The following DNAJC13 variants were observed in gnomAD, a reference collection of about 807,000 sequenced individuals.
The protein encoded by DNAJC13 is dnaJ homolog subfamily C member 13.
In DNAJC13, 75 loss-of-function variants were observed where a neutral mutation model predicts 290.5. That is an observed-to-expected ratio of 0.26 (90% CI 0.21 to 0.31). The LOEUF is 0.31. Ranked by LOEUF, DNAJC13 falls within the 10% of genes least tolerant of loss-of-function variation. The pLI is 1.00. For missense variants in DNAJC13, 2,260 were observed against 2,674.5 expected, an observed-to-expected ratio of 0.85 and a Z score of 3.42; for synonymous variants, 862 against 892.0, an observed-to-expected ratio of 0.97 and a Z score of 0.60.
intron 2 of DNAJC13, among the ~76,000 whole-genome samples, chr3:132,445,525 G>T (rs1933217685): frequency 6.6e-6 from 1 of 152,006 alleles, no homozygotes; most frequent in African/African-American, 2.4e-5. Flanking sequence ...GAGCATGGGA[G>T]TTACTTGGTC....
intron 17 of DNAJC13, 74 bp downstream of exon 17, chr3:132,463,891 A>G: frequency 2.0e-6 from 3 of 1,490,786 alleles, no homozygotes; most frequent in South Asian, 1.2e-5. Flanking sequence ...ACATAAAACT[A>G]AATGTGTTTG....
At chr3:132,426,953 G>A (rs1470477848) in intron 1 of DNAJC13, among the ~76,000 whole-genome samples, 1 of 151,736 alleles carries the variant, frequency 6.6e-6, no homozygotes, top group African/African-American at 2.4e-5. Context: ...AGATTGACTT[G>A]TAATAGTATT....
chr3:132,482,245 C>A lies in DNAJC13; in HGVS notation c.2894C>A (p.Ala965Asp), dbSNP rs777056943. 6.2e-7 allele frequency: 1 copy of A among 1,613,342 alleles called. No homozygotes were observed. The highest frequency in any genetic ancestry group is 2.2e-5 in the East Asian group (1 of 44,850). ...ACTTAGAGCAATGTAATTGAAGCTG[C>A]TCCAGATATGAAAAGAGAGAGTGAA... ...VPLQSNVIEA[A>D]PDMKRESEKE... Residue 965 changes from alanine to aspartate, a missense_variant, in exon 27 of 56, where the codon GCT (alanine) becomes GAT (aspartate). This residue lies in a region of DNAJC13 where 1,494 missense variants were observed against 1,693.7 expected (regional missense o/e 0.88). Transcript: ENST00000260818.
At position 132,480,365 on chromosome 3, in the gene DNAJC13, C is replaced by T; in HGVS notation, c.2773-4C>T. The T allele has an allele frequency of 1.2e-6, 2 of 1,607,410 alleles. No homozygotes were observed. The highest frequency in any genetic ancestry group is 1.7e-6 in the Non-Finnish European group (2 of 1,174,944). ...ATTACGAAAAAAATGTTTTCCTCTTCCAGAAAAATGTTAAGGATCTCATGG... is the reference window on the plus strand; with the variant it reads ...ATTACGAAAAAAATGTTTTCCTCTTTCAGAAAAATGTTAAGGATCTCATGG... On this transcript the variant is annotated splice_polypyrimidine_tract_variant and splice_region_variant and intron_variant, in intron 25 of 55. Coordinates refer to ENST00000260818, the MANE Select transcript of DNAJC13 (RefSeq NM_015268.4).
chr3:132,467,264 A>G lies in DNAJC13; in HGVS notation c.2159A>G (p.Asp720Gly). 2.5e-6 allele frequency: 4 copies of G among 1,614,044 alleles called. No individual in the cohort carries two copies. The highest frequency in any genetic ancestry group is 3.4e-6 in the Non-Finnish European group (4 of 1,179,956). ...EVEKFAKEKV[D>G]LVLMHWRDRM... ...GAAAAATTTGCCAAAGAAAAAGTGG[A>G]TCTTGTATTGATGCACTGGAGGGAT... The change falls in exon 20 of 56, where the codon GAT becomes GGT. Residue 720 changes from aspartate (D) to glycine (G), a missense_variant. Coordinates refer to ENST00000260818, the MANE Select transcript of DNAJC13 (RefSeq NM_015268.4).
At chr3:132,535,892 C>T (rs1010608396) in intron 55 of DNAJC13, among the ~76,000 whole-genome samples, 25 of 152,260 alleles carry the variant, frequency 1.6e-4, no homozygotes, top group African/African-American at 6.0e-4. Context: ...AAGGAGAGGC[C>T]AGGGTCCTGG....
rs144135049 is a variant in DNAJC13, at chr3:132,490,942, C to A, written c.3514C>A (p.Leu1172Ile). The A allele has an allele frequency of 2.0e-5, 33 of 1,611,274 alleles. No homozygotes were observed. The highest frequency in any genetic ancestry group is 2.7e-5 in the Non-Finnish European group (32 of 1,179,008). The part of the protein sequence containing the change: ...IFQRSILGHI[L>I]PEAMVCYLEN... The stretch of plus-strand genomic sequence containing the variant: ...TCAGAGAAGTATACTTGGGCACATT[C>A]TACCTGAAGCAATGGTTTGTTACTT... Residue 1172 changes from leucine (L) to isoleucine (I), a missense_variant, in exon 32 of 56, where the codon CTA becomes ATA. By Grantham distance (5) the Leu-to-Ile change is conservative (BLOSUM62 2). Around this residue, in one of 3 missense-constraint regions of DNAJC13, gnomAD observed 1,494 missense variants for 1,693.7 expected, o/e 0.88. Transcript: ENST00000260818.
At chr3:132,435,948 CTT>C (rs758446861) in intron 2 of DNAJC13, among the ~76,000 whole-genome samples, 2 of 152,256 alleles carry the variant, frequency 1.3e-5, no homozygotes, top group South Asian at 4.1e-4. Context: ...TAACTATCCT[CTT>C]TTTTCCTCGT....
chr3:132,488,645 A>T (rs1487518528), intron 30 of DNAJC13, among the ~76,000 whole-genome samples, 193 bp downstream of exon 30: 2 of 152,176 alleles, frequency 1.3e-5, no homozygotes. Context: ...ACTATTCCAC[A>T]TCTAGCATAA....
At chr3:132,519,651 C>T (rs1936024947) in intron 48 of DNAJC13, among the ~76,000 whole-genome samples, 2 of 151,824 alleles carry the variant, frequency 1.3e-5, no homozygotes, top group African/African-American at 4.8e-5. Flanking sequence ...TATGTCATAT[C>T]TAAGAAACCA....
intron 55 of DNAJC13, among the ~76,000 whole-genome samples, chr3:132,533,413 G>T (rs1294900507): frequency 2.2e-5 from 3 of 139,466 alleles, no homozygotes; most frequent in Non-Finnish European, 3.0e-5. Flanking sequence ...TCAGCTCACC[G>T]CAACCTTTGC....
intron 44 of DNAJC13, 77 bp from the exon 45 acceptor site, chr3:132,512,931 C>A: frequency 1.7e-6 from 2 of 1,179,214 alleles, no homozygotes; most frequent in Non-Finnish European, 2.5e-6. Context: ...CAGTAAACAA[C>A]AGTGTATATC....
At chr3:132,448,060 T>C in intron 5 of DNAJC13, 121 bp downstream of exon 5, 1 of 642,574 alleles carries the variant, frequency 1.6e-6, no homozygotes. Flanking sequence ...GAAACAAAAT[T>C]GTAATGTCTC....
intron 2 of DNAJC13, among the ~76,000 whole-genome samples, chr3:132,436,440 T>C (rs910579860): frequency 1.3e-5 from 2 of 152,256 alleles, no homozygotes; most frequent in African/African-American, 4.8e-5. Context: ...ATTTTGTTTA[T>C]CCATTCATCA....
chr3:132,464,102 G>A (rs1231782311), intron 17 of DNAJC13, among the ~76,000 whole-genome samples: 1 of 152,126 alleles, frequency 6.6e-6, no homozygotes, highest in East Asian at 1.9e-4. Flanking sequence ...AAAAGCTTAT[G>A]GAACTAGAAC....
In DNAJC13 at chr3:132,470,691, C is replaced by T. The variant is rs1403294375; in HGVS notation, c.2209-2454C>T. On this transcript the variant is annotated intron_variant, in intron 20 of 55. Coordinates refer to ENST00000260818, the MANE Select transcript of DNAJC13 (RefSeq NM_015268.4). ...CCGACACCCCCACCTCCCTCCCGGA[C>T]GGGGCGGCTGGCCGGGCAGAGGGGC... is the stretch of plus-strand genomic sequence containing the variant. 8.6e-5 allele frequency among the ~76,000 whole-genome samples: 10 copies of T among 115,902 alleles called. No homozygotes were observed. The East Asian group carries it at 8.8e-4, about 10-fold the overall frequency. 76.0% of individuals were successfully genotyped at this position (115,902 alleles called of 152,430 possible).
intron 1 of DNAJC13, 86 bp from the exon 2 acceptor site, chr3:132,434,452 C>A: frequency 1.1e-6 from 1 of 907,596 alleles, no homozygotes; most frequent in South Asian, 1.6e-5. Context: ...AGTGAGAGAG[C>A]GATCTTGCTA....
rs554037554 is a variant in DNAJC13, at chr3:132,434,625, A to T, written c.68+7A>T. 6.3e-7 allele frequency: 1 copy of T among 1,592,076 alleles called. No homozygotes were observed. The highest frequency in any genetic ancestry group is 1.4e-5 in the African/African-American group (1 of 73,322). On this transcript the variant is annotated splice_region_variant and intron_variant, in intron 2 of 55. Coordinates refer to ENST00000260818, the MANE Select transcript of DNAJC13 (RefSeq NM_015268.4). ...AACATTCATGGAGGGGGAAGTAAGTATTCTTGTTGGGTTTTTTTTTCTGTG... is the reference window on the plus strand; with the variant it reads ...AACATTCATGGAGGGGGAAGTAAGTTTTCTTGTTGGGTTTTTTTTTCTGTG...
intron 14 of DNAJC13, among the ~76,000 whole-genome samples, chr3:132,460,636 G>A (rs1933761029): frequency 1.3e-5 from 2 of 151,986 alleles, no homozygotes; most frequent in African/African-American, 2.4e-5. Context: ...GAAATAAACT[G>A]CTCTAAAAAA....
Sources: allele counts gnomAD v4.1 joint callset (sites outside exome capture counted in the v4.1 genomes callset), GRCh38; gene constraint gnomAD v4.1.1; regional missense constraint gnomAD v4.1.1; transcripts MANE v1.5; gene names NCBI Gene and HGNC (gene_info 2026-07-23, HGNC 2026-07-21).